Variants in SPAG16 observed in about 807,000 individuals in gnomAD.
The protein encoded by SPAG16 is sperm-associated antigen 16 protein.
A neutral mutation model predicts 80.4 loss-of-function variants in SPAG16; 86 were observed. The ratio of observed to expected loss-of-function variants is 1.07; its 90% CI spans 0.90 to 1.28. The LOEUF (loss-of-function observed/expected upper bound fraction) is 1.28. Among genes scored for constraint, SPAG16 ranks in the 50% most tolerant of loss-of-function variants. The pLI is 0.00. For synonymous variants in SPAG16, 294 were observed against 265.9 expected, an observed-to-expected ratio of 1.11 and a Z score of -1.03; for missense variants, 870 against 765.3, an observed-to-expected ratio of 1.14 and a Z score of -1.61.
rs867073796 is a variant in SPAG16 at position 214,224,016 on chromosome 2, G to C, written c.1720+74750G>C. ...AGAGCATTCTGCAGAAAGGTAAGCT[G>C]TTCAATAGGGACAGAAATGAGAATG... On this transcript the variant is annotated intron_variant, in intron 15 of 15. Transcript: ENST00000331683. Among the ~76,000 whole-genome samples the C allele has an allele frequency of 3.3e-5, 5 of 152,280 alleles. No homozygotes were observed. The South Asian group carries it at 1.0e-3, about 32-fold the overall frequency.
intron 13 of SPAG16, among the ~76,000 whole-genome samples, chr2:214,047,859 G>C (rs751962131): frequency 1.3e-5 from 2 of 152,082 alleles, no homozygotes; most frequent in African/African-American, 2.4e-5. Context: ...CTAATACTCT[G>C]ATTTAAAAAA....
chr2:213,285,517 A>G (rs148068389), intron 1 of SPAG16, among the ~76,000 whole-genome samples: 3 of 152,312 alleles, frequency 2.0e-5, no homozygotes, highest in East Asian at 1.9e-4. Flanking sequence ...AAATCTGCCA[A>G]ATCTTATTTG....
rs552536604 is a variant in SPAG16, at chr2:214,358,097, G to A, written c.1721-52043G>A. Among the ~76,000 whole-genome samples, 32 of 151,928 alleles carry A rather than the reference G, an allele frequency of 2.1e-4. 1 individual carries two copies. The South Asian group carries it at 4.2e-3, about 20-fold the overall frequency. On this transcript the variant is annotated intron_variant, in intron 15 of 15. Coordinates refer to ENST00000331683, the MANE Select transcript of SPAG16 (RefSeq NM_024532.5). Reference sequence around the variant, plus strand: ...TTTCTCCAATTTACTCAATGTTGGCGTCTCCCAGAGCTGCAATATTCAACT... The same window carrying A: ...TTTCTCCAATTTACTCAATGTTGGCATCTCCCAGAGCTGCAATATTCAACT...
chr2:214,287,589 TA>T (rs920410496), intron 15 of SPAG16, among the ~76,000 whole-genome samples: 6 of 150,716 alleles, frequency 4.0e-5, no homozygotes, highest in South Asian at 2.1e-4. Context: ...GAGGCAGTAT[TA>T]TTTTTTTGAG....
intron 8 of SPAG16, among the ~76,000 whole-genome samples, chr2:213,368,560 G>C (rs2066452957): frequency 6.6e-6 from 1 of 152,102 alleles, no homozygotes; most frequent in Admixed American, 6.5e-5. Flanking sequence ...GGAAGTTCTG[G>C]CCAGGGCAAT....
chr2:213,705,514 CAG>C (rs2065709406), intron 10 of SPAG16, among the ~76,000 whole-genome samples: 1 of 151,970 alleles, frequency 6.6e-6, no homozygotes, highest in South Asian at 2.1e-4. Context: ...AAGAAGGAAA[CAG>C]AGTAGGTAGA....
intron 7 of SPAG16, among the ~76,000 whole-genome samples, chr2:213,363,201 A>G (rs1436765210): frequency 1.3e-5 from 2 of 152,140 alleles, no homozygotes; most frequent in South Asian, 2.1e-4. Context: ...AGGGTATGGG[A>G]TAAAACAGGA....
At chr2:213,793,412 T>C (rs188299198) in intron 10 of SPAG16, among the ~76,000 whole-genome samples, 7 of 152,192 alleles carry the variant, frequency 4.6e-5, no homozygotes, top group Admixed American at 2.6e-4. Context: ...TTAAAAGAGT[T>C]ATAGGTACAT....
rs181942881 is a variant in SPAG16 at position 213,822,796 on chromosome 2, A to G, written c.1071-39689A>G. Reference sequence around the variant, plus strand: ...CTATGCCCATGTGTTCTCAAGGTTCAACTCCCACTTATGAGTGAGAATATG... The same window carrying G: ...CTATGCCCATGTGTTCTCAAGGTTCGACTCCCACTTATGAGTGAGAATATG... On this transcript the variant is annotated intron_variant, in intron 10 of 15. Coordinates refer to ENST00000331683, the MANE Select transcript of SPAG16 (RefSeq NM_024532.5). 7.2e-5 allele frequency among the ~76,000 whole-genome samples: 11 copies of G among 152,202 alleles called. No homozygotes were observed. The East Asian group carries it at 1.9e-3, about 27-fold the overall frequency.
intron 15 of SPAG16, among the ~76,000 whole-genome samples, chr2:214,204,743 A>C: frequency 6.6e-6 from 1 of 152,278 alleles, no homozygotes. Context: ...CAGAAAAACA[A>C]TTCTGGTAAT....
At chr2:213,353,945 G>C (rs987141081) in intron 7 of SPAG16, among the ~76,000 whole-genome samples, 23 of 151,980 alleles carry the variant, frequency 1.5e-4, no homozygotes, top group Non-Finnish European at 2.9e-4. Context: ...CAACGTACAG[G>C]TTTGTTACAT....
intron 10 of SPAG16, among the ~76,000 whole-genome samples, chr2:213,808,154 T>C (rs995322054): frequency 2.0e-5 from 3 of 152,180 alleles, no homozygotes; most frequent in African/African-American, 7.2e-5. Context: ...GAATAGTGTT[T>C]GTTAAAATGA....
intron 10 of SPAG16, among the ~76,000 whole-genome samples, chr2:213,757,233 A>C (rs2068391773): frequency 6.6e-6 from 1 of 152,218 alleles, no homozygotes; most frequent in African/African-American, 2.4e-5. Flanking sequence ...ATAAATAGAC[A>C]TATATATTCA....
chr2:213,980,057 C>T (rs765263857), intron 12 of SPAG16, among the ~76,000 whole-genome samples: 10 of 151,498 alleles, frequency 6.6e-5, no homozygotes, highest in African/African-American at 1.2e-4. Context: ...TTACTGAAAT[C>T]GCATGAAAAC....
chr2:214,389,081 C>G (rs371896059), intron 15 of SPAG16, among the ~76,000 whole-genome samples: 1 of 152,044 alleles, frequency 6.6e-6, no homozygotes, highest in Non-Finnish European at 1.5e-5. Context: ...AAATATTTCT[C>G]TATAGATAAG....
At chr2:213,892,690 G>A (rs1368485263) in intron 11 of SPAG16, among the ~76,000 whole-genome samples, 1 of 152,044 alleles carries the variant, frequency 6.6e-6, no homozygotes, top group Non-Finnish European at 1.5e-5. Flanking sequence ...GAAGACTCTC[G>A]ATAGCAGAAT....
At chr2:214,193,013 G>A (rs1306320957) in intron 15 of SPAG16, among the ~76,000 whole-genome samples, 1 of 151,974 alleles carries the variant, frequency 6.6e-6, no homozygotes, top group Non-Finnish European at 1.5e-5. Context: ...TCTGTTGTCA[G>A]CCTGGTCCTA....
intron 10 of SPAG16, among the ~76,000 whole-genome samples, chr2:213,709,806 A>AT (rs56257811): frequency 3.0e-4 from 45 of 152,330 alleles, no homozygotes; most frequent in Admixed American, 2.1e-3. Context: ...AGAATATTTG[A>AT]TTTCATAATG....
At chr2:213,766,028 T>C (rs1348629247) in intron 10 of SPAG16, among the ~76,000 whole-genome samples, 2 of 152,366 alleles carry the variant, frequency 1.3e-5, no homozygotes, top group East Asian at 1.9e-4. Flanking sequence ...TTTCATATAC[T>C]GAGAGCTTCG....
Sources: gnomAD v4.1 joint callset for allele counts (sites outside exome capture counted in the v4.1 genomes callset) on GRCh38, gnomAD v4.1.1 for gene constraint, MANE v1.5 for transcripts, NCBI Gene and HGNC (gene_info 2026-07-23, HGNC 2026-07-21) for gene names.